COA1: variants seen among roughly 807,000 people sequenced by gnomAD.
COA1 encodes the protein cytochrome c oxidase assembly factor 1 homolog.
In COA1, 13 loss-of-function variants were observed where a neutral mutation model predicts 16.0. That is an observed-to-expected ratio of 0.81 (90% CI 0.53 to 1.29). The LOEUF is 1.29. COA1 is among the 50% of genes most tolerant of loss of function. The probability of loss-of-function intolerance (pLI) is 0.00; values close to 1 mark genes in which losing one functional copy is unlikely to be tolerated. For missense variants in COA1, 179 were observed against 177.0 expected, an observed-to-expected ratio of 1.01 and a Z score of -0.06; for synonymous variants, 65 against 65.7, an observed-to-expected ratio of 0.99 and a Z score of 0.05.
intron 1 of COA1, among the ~76,000 whole-genome samples, chr7:43,718,352 G>A (rs1487375544): frequency 6.6e-6 from 1 of 152,272 alleles, no homozygotes; most frequent in Non-Finnish European, 1.5e-5. Flanking sequence ...TACAACTTAA[G>A]GTTTTAGTCG....
chr7:43,622,359 C>G (rs1430442910), intron 6 of COA1: 1 of 152,124 alleles, frequency 6.6e-6, no homozygotes, highest in Non-Finnish European at 1.5e-5. Context: ...CTCATTTATT[C>G]TATGGGGGTT....
downstream of COA1, among the ~76,000 whole-genome samples, chr7:43,635,402 T>TATG (rs1254610610): frequency 6.6e-6 from 1 of 152,190 alleles, no homozygotes; most frequent in African/African-American, 2.4e-5. Context: ...TGTAAGGGTT[T>TATG]ATGTCTCCCT....
At chr7:43,670,929 C>G (rs1240448547) in intron 1 of COA1, among the ~76,000 whole-genome samples, 1 of 152,186 alleles carries the variant, frequency 6.6e-6, no homozygotes, top group Non-Finnish European at 1.5e-5. Context: ...AAAATTAAAA[C>G]TGCCATTTAA....
intron 6 of COA1, chr7:43,623,853 T>C: frequency 1.9e-6 from 3 of 1,591,820 alleles, no homozygotes; most frequent in Non-Finnish European, 2.6e-6. Flanking sequence ...AGTCGGCTGT[T>C]GATTTCATCA....
chr7:43,712,353 C>T (rs2095278110), intron 1 of COA1, among the ~76,000 whole-genome samples: 1 of 152,068 alleles, frequency 6.6e-6, no homozygotes, highest in African/African-American at 2.4e-5. Context: ...CCTCAGGTAA[C>T]CCACCTGCCT....
At position 43,615,728 on chromosome 7, in the gene COA1, T is replaced by C. The variant is rs117900604; in HGVS notation, c.*134-6233A>G. Among the ~76,000 whole-genome samples the C allele has an allele frequency of 3.9e-4, 60 of 152,328 alleles. No homozygotes were observed. In the East Asian group the frequency reaches 0.012, roughly 29 times the overall value. ...CTCGTACCCCTTTTGCCTTGTGCTG[T>C]CGTCCAGCCACACAGGATTTCCTGC... is the stretch of plus-strand genomic sequence containing the variant. On this transcript the variant is annotated intron_variant and NMD_transcript_variant, in intron 6 of 6. Coordinates refer to the COA1 transcript ENST00000415076.
intron 6 of COA1, among the ~76,000 whole-genome samples, chr7:43,614,876 A>G (rs939025208): frequency 2.0e-5 from 3 of 152,236 alleles, no homozygotes; most frequent in Non-Finnish European, 4.4e-5. Flanking sequence ...CATAGTAACT[A>G]AAGAAAGCAT....
At chr7:43,677,744 A>G (rs1448184869) in intron 1 of COA1, among the ~76,000 whole-genome samples, 1 of 148,482 alleles carries the variant, frequency 6.7e-6, no homozygotes, top group Admixed American at 6.8e-5. Context: ...GGTTGCAGTG[A>G]GCCAAGATCA....
Position 43,661,380 on chromosome 7 carries a change from T to TA in COA1, c.-38-12729dup, listed in dbSNP as rs552594318. 2.0e-3 allele frequency among the ~76,000 whole-genome samples: 312 copies of TA among 152,280 alleles called. 1 individual carries two copies. Among genetic ancestry groups the TA allele is most frequent in the Non-Finnish European group, 4.0e-3 (269 of 68,010 alleles). ...GGCCGGGTGCAGTGGCTCACGCCTG[T>TA]AATCCCAGCACTTTGGGAGGCCAAA... On this transcript the variant is annotated intron_variant, in intron 1 of 5. Transcript: ENST00000223336.
chr7:43,645,515 G>T, intron 3 of COA1, 116 bp from the exon 4 acceptor site: 1 of 894,754 alleles, frequency 1.1e-6, no homozygotes, highest in Non-Finnish European at 1.7e-6. Flanking sequence ...CGTGAAATCT[G>T]TGGATGGACG....
At chr7:43,619,639 A>G (rs1476118736) in intron 6 of COA1, 10 of 1,614,126 alleles carry the variant, frequency 6.2e-6, no homozygotes, top group Non-Finnish European at 8.5e-6. Flanking sequence ...ATTGGGTGAC[A>G]TTAAGATTGT....
intron 1 of COA1, among the ~76,000 whole-genome samples, chr7:43,677,537 G>A (rs984713278): frequency 1.3e-5 from 2 of 152,056 alleles, no homozygotes; most frequent in Admixed American, 6.5e-5. Context: ...AGTGGCTCAC[G>A]CCTGTAATCC....
intron 6 of COA1, among the ~76,000 whole-genome samples, chr7:43,619,412 A>G (rs2083643391): frequency 6.6e-6 from 1 of 152,212 alleles, no homozygotes; most frequent in Non-Finnish European, 1.5e-5. Context: ...TGAAAATACA[A>G]GAGAGTACAG....
At chr7:43,664,655 G>A (rs1441692489) in intron 1 of COA1, among the ~76,000 whole-genome samples, 1 of 152,132 alleles carries the variant, frequency 6.6e-6, no homozygotes, top group East Asian at 1.9e-4. Flanking sequence ...CCTAAAGTAG[G>A]AGGGTCACTT....
intron 6 of COA1, among the ~76,000 whole-genome samples, chr7:43,621,634 G>A (rs1287450881): frequency 6.6e-6 from 1 of 151,988 alleles, no homozygotes; most frequent in East Asian, 1.9e-4. Flanking sequence ...CAGCGGGCCA[G>A]TTTTTTGTTT....
chr7:43,624,422 A>T, intron 6 of COA1: 5 of 1,256,672 alleles, frequency 4.0e-6, no homozygotes, highest in Non-Finnish European at 5.2e-6. Context: ...AACTTGTCAG[A>T]CTTCCCAAAA....
chr7:43,723,396 A>T (rs749955420), intron 1 of COA1, among the ~76,000 whole-genome samples: 8 of 152,230 alleles, frequency 5.3e-5, no homozygotes, highest in Non-Finnish European at 1.0e-4. Flanking sequence ...GTCATCTCCT[A>T]ATCTTCAACT....
At chr7:43,710,515 C>T (rs192817003) in intron 1 of COA1, among the ~76,000 whole-genome samples, 373 of 151,616 alleles carry the variant, frequency 2.5e-3, no homozygotes, top group African/African-American at 8.0e-3. Flanking sequence ...AAATGGATAG[C>T]TCTTTGGTAG....
At chr7:43,727,221 T>C (rs1441588481) in intron 1 of COA1, among the ~76,000 whole-genome samples, 4 of 152,184 alleles carry the variant, frequency 2.6e-5, no homozygotes, top group Non-Finnish European at 5.9e-5. Context: ...TAATGACAAG[T>C]GTTGGCAAGG....
Sources: allele counts gnomAD v4.1 joint callset (sites outside exome capture counted in the v4.1 genomes callset), GRCh38; gene constraint gnomAD v4.1.1; transcripts MANE v1.5; gene names NCBI Gene and HGNC (gene_info 2026-07-23, HGNC 2026-07-21).